The following PCDHA6 variants were observed in gnomAD, a reference collection of about 807,000 sequenced individuals.
PCDHA6 encodes the protein protocadherin alpha 6.
A neutral mutation model predicts 60.3 loss-of-function variants in PCDHA6; 55 were observed. The observed-to-expected ratio is 0.91, with a 90% CI of 0.73 to 1.14. The LOEUF (loss-of-function observed/expected upper bound fraction) is 1.14. Ranked by LOEUF, PCDHA6 falls within the 50% of genes most tolerant of loss-of-function variation. The pLI is 0.00. For missense variants in PCDHA6, 1,327 were observed against 1,256.5 expected (o/e 1.06, Z -0.85); for synonymous variants, 652 against 557.9 (o/e 1.17, Z -2.38).
At chr5:140,882,606 C>A (rs782588313) in intron 1 of PCDHA6, 1 of 1,614,120 alleles carries the variant, frequency 6.2e-7, no homozygotes, top group African/African-American at 1.3e-5. Context: ...GTGGACAGGC[C>A]TCTGCAGGTT....
intron 1 of PCDHA6, among the ~76,000 whole-genome samples, chr5:140,886,712 G>A (rs950364984): frequency 1.3e-5 from 2 of 151,798 alleles, no homozygotes; most frequent in Middle Eastern, 3.4e-3. Flanking sequence ...TGTAATCCCA[G>A]CTACTTGGGA....
At chr5:140,906,494 G>C (rs1327823813) in intron 1 of PCDHA6, among the ~76,000 whole-genome samples, 4 of 152,196 alleles carry the variant, frequency 2.6e-5, no homozygotes, top group African/African-American at 9.7e-5. Context: ...GCACAAACAT[G>C]TTTTTAACAA....
intron 3 of PCDHA6, among the ~76,000 whole-genome samples, chr5:140,998,571 T>G (rs2097822082): frequency 1.0e-5 from 1 of 96,286 alleles, no homozygotes; most frequent in African/African-American, 3.7e-5. Flanking sequence ...GTAAATAAGT[T>G]TTTTTTTTTT....
chr5:140,849,603 G>A lies in PCDHA6; in HGVS notation c.2394+19118G>A, dbSNP rs2150442213. On this transcript the variant is annotated intron_variant, in intron 1 of 3. Transcript: ENST00000529310. ...GGACGCACAACTGGGGACAGTTATT[G>A]CCCTGATTAGTGTGATCGACCTAGA... The A allele has an allele frequency of 3.8e-5, 60 of 1,598,580 alleles. 9 individuals are homozygous for A. Among genetic ancestry groups the A allele is most frequent in the Non-Finnish European group, 5.1e-5 (59 of 1,167,940 alleles).
rs1192658029 is a variant in PCDHA6 at position 141,011,915 on chromosome 5, A to G, written c.*1978A>G. On this transcript the variant is annotated 3_prime_UTR_variant, in exon 4 of 4. Coordinates refer to ENST00000529310, the MANE Select transcript of PCDHA6 (RefSeq NM_018909.4). Reference sequence around the variant, plus strand: ...ATATTATCTATTTAGGCATTAATATAAAAGAGGTAGGAGTCTGTTATTTAA... The same window carrying G: ...ATATTATCTATTTAGGCATTAATATGAAAGAGGTAGGAGTCTGTTATTTAA... 1 of 153,728 alleles carries G rather than the reference A, an allele frequency of 6.5e-6. No homozygotes were observed. Among genetic ancestry groups the G allele is most frequent in the Admixed American group, 6.5e-5 (1 of 15,286 alleles). 9.5% of individuals were successfully genotyped at this position (153,728 alleles called of 1,614,324 possible). A position where few individuals can be genotyped will look rare whatever the true frequency, so the allele number is the denominator to read the frequency against.
chr5:140,914,801 A>G (rs976508278), intron 1 of PCDHA6, among the ~76,000 whole-genome samples: 2 of 152,164 alleles, frequency 1.3e-5, no homozygotes, highest in African/African-American at 4.8e-5. Context: ...TTTTAAACTG[A>G]TGGCAACTTA....
intron 1 of PCDHA6, among the ~76,000 whole-genome samples, chr5:140,977,165 T>C (rs921089293): frequency 1.3e-5 from 2 of 152,156 alleles, no homozygotes; most frequent in Non-Finnish European, 2.9e-5. Context: ...TTCAGCAAAA[T>C]GAGTTTGATG....
chr5:140,914,052 G>T (rs1485469381), intron 1 of PCDHA6, among the ~76,000 whole-genome samples: 1 of 152,172 alleles, frequency 6.6e-6, no homozygotes, highest in East Asian at 1.9e-4. Flanking sequence ...TTCTGCAGCT[G>T]TTGGATGAAA....
At chr5:140,993,227 C>T (rs1464075096) in intron 3 of PCDHA6, among the ~76,000 whole-genome samples, 1 of 152,084 alleles carries the variant, frequency 6.6e-6, no homozygotes, top group African/African-American at 2.4e-5. Context: ...TTGGTATGTT[C>T]TCTCTGAATC....
intron 1 of PCDHA6, chr5:140,852,931 T>C: frequency 1.6e-6 from 1 of 623,668 alleles, no homozygotes; most frequent in Non-Finnish European, 2.1e-6. Context: ...CAGGCTGGAG[T>C]GCAGTGGTGC....
At chr5:140,899,980 T>TG (rs1202261789) in intron 1 of PCDHA6, among the ~76,000 whole-genome samples, 49 of 152,074 alleles carry the variant, frequency 3.2e-4, no homozygotes, top group African/African-American at 1.1e-3. Flanking sequence ...GCTACTTTTT[T>TG]GATTTTTTTT....
intron 3 of PCDHA6, among the ~76,000 whole-genome samples, chr5:141,000,393 C>CTATA (rs1563650230): frequency 1.3e-4 from 7 of 52,858 alleles, no homozygotes; most frequent in Admixed American, 2.8e-4. Context: ...CTCTCTCTCT[C>CTATA]TCTATATATA....
chr5:140,882,438 C>A lies in PCDHA6; in HGVS notation c.2394+51953C>A, dbSNP rs782795158. On this transcript the variant is annotated intron_variant, in intron 1 of 3. Coordinates refer to ENST00000529310, the MANE Select transcript of PCDHA6 (RefSeq NM_018909.4). ...GCTCAGGACCTGGGGCTGGAGCTGG[C>A]GGAGCTGGTGCCGCGCCTGTTCCGG... 3.1e-6 allele frequency: 5 copies of A among 1,613,902 alleles called. No individual in the cohort carries two copies. In the Admixed American group the frequency reaches 5.0e-5, roughly 16 times the overall value.
At chr5:140,832,047 A>G (rs1581927346) in intron 1 of PCDHA6, among the ~76,000 whole-genome samples, 1 of 152,250 alleles carries the variant, frequency 6.6e-6, no homozygotes, top group Non-Finnish European at 1.5e-5. Flanking sequence ...TAGTGAGGCC[A>G]TAATTACCAA....
At chr5:140,954,653 T>C (rs1467846481) in intron 1 of PCDHA6, among the ~76,000 whole-genome samples, 3 of 152,244 alleles carry the variant, frequency 2.0e-5, no homozygotes, top group Admixed American at 6.5e-5. Flanking sequence ...TTAAGTTCCT[T>C]GTAGACTCTG....
chr5:140,828,926 T>C lies in PCDHA6; in HGVS notation c.835T>C (p.Tyr279His), dbSNP rs2150160859. The change falls in exon 1 of 4, where the codon TAT becomes CAT. Residue 279 changes from tyrosine to histidine, a missense_variant. Transcript: ENST00000529310. ...TGAAGGAGCGAATGGGGCAATTTCATATTCTTTTAATAGCCTTGTTGCAGC... is the reference window on the plus strand; with the variant it reads ...TGAAGGAGCGAATGGGGCAATTTCACATTCTTTTAATAGCCTTGTTGCAGC... Reference protein sequence around the residue: ...RDEGANGAISYSFNSLVAAMV... With the variant: ...RDEGANGAISHSFNSLVAAMV... The C allele has an allele frequency of 5.6e-6, 9 of 1,614,260 alleles. No individual in the cohort carries two copies. The highest frequency in any genetic ancestry group is 5.3e-5 in the African/African-American group (4 of 75,074).
At chr5:140,875,931 T>C in intron 1 of PCDHA6, 1 of 1,614,176 alleles carries the variant, frequency 6.2e-7, no homozygotes, top group South Asian at 1.1e-5. Flanking sequence ...CTCATTTTCC[T>C]CTAGAGGGCG....
At chr5:140,928,041 C>T (rs2084880685) in intron 1 of PCDHA6, 3 of 1,613,398 alleles carry the variant, frequency 1.9e-6, no homozygotes, top group Non-Finnish European at 2.5e-6. Context: ...CTAGTGCAGG[C>T]CCTTTTCAGC....
chr5:140,829,557 T>C lies in PCDHA6; in HGVS notation c.1466T>C (p.Leu489Pro), dbSNP rs138069346. The change falls in exon 1 of 4, where the codon CTG (leucine) becomes CCG (proline). Residue 489 changes from leucine to proline, a missense_variant. By Grantham distance (98) the Leu-to-Pro change is moderately conservative. Coordinates refer to ENST00000529310, the MANE Select transcript of PCDHA6 (RefSeq NM_018909.4). ...GACGCGGACGCGCAGGAGAACGCGC[T>C]GGTGTCCTACTCGCTGGTGGAGCGG... ...ARDADAQENA[L>P]VSYSLVERRV... 4.3e-5 allele frequency: 70 copies of C among 1,612,672 alleles called. No homozygotes were observed. The highest frequency in any genetic ancestry group is 1.3e-4 in the Admixed American group (8 of 59,988).
Sources: allele counts gnomAD v4.1 joint callset (sites outside exome capture counted in the v4.1 genomes callset), GRCh38; gene constraint gnomAD v4.1.1; transcripts MANE v1.5; gene names NCBI Gene and HGNC (gene_info 2026-07-23, HGNC 2026-07-21).